Variants in GRIN2B observed in about 807,000 individuals in gnomAD.
The protein encoded by GRIN2B is glutamate receptor ionotropic, NMDA 2B.
A neutral mutation model predicts 114.5 loss-of-function variants in GRIN2B; 5 were observed. The observed-to-expected ratio is 0.04, with a 90% CI of 0.02 to 0.09. The LOEUF (loss-of-function observed/expected upper bound fraction) is 0.09. GRIN2B is among the 10% of genes least tolerant of loss of function. The pLI is 1.00. For missense variants in GRIN2B, 1,108 were observed against 1,943.5 expected (o/e 0.57, Z 8.08); for synonymous variants, 787 against 745.1 (o/e 1.06, Z -0.92).
intron 4 of GRIN2B, among the ~76,000 whole-genome samples, chr12:13,702,240 TA>T (rs980975901): frequency 1.3e-5 from 2 of 152,194 alleles, no homozygotes; most frequent in Non-Finnish European, 2.9e-5. Context: ...AAAATATTCA[TA>T]AGTTTACTGA....
At chr12:13,701,262 G>A (rs1232096258) in intron 4 of GRIN2B, among the ~76,000 whole-genome samples, 1 of 152,108 alleles carries the variant, frequency 6.6e-6, no homozygotes, top group Admixed American at 6.6e-5. Flanking sequence ...TGAGATTTGG[G>A]TGGGGACACA....
At chr12:13,755,636 A>G (rs936552261) in intron 3 of GRIN2B, among the ~76,000 whole-genome samples, 2 of 152,224 alleles carry the variant, frequency 1.3e-5, no homozygotes, top group African/African-American at 4.8e-5. Context: ...ATGTGTATCT[A>G]TTCCAAACCC....
At chr12:13,705,023 T>C (rs1343249109) in intron 4 of GRIN2B, among the ~76,000 whole-genome samples, 1 of 152,084 alleles carries the variant, frequency 6.6e-6, no homozygotes, top group Non-Finnish European at 1.5e-5. Context: ...CCAGGTACCT[T>C]TGTGTCATCA....
chr12:13,836,577 G>A (rs1467340916), intron 3 of GRIN2B, among the ~76,000 whole-genome samples: 1 of 152,168 alleles, frequency 6.6e-6, no homozygotes. Flanking sequence ...CTCAAATTAT[G>A]CACTTAATGT....
In GRIN2B at chr12:13,981,435, G is replaced by T. The variant is rs1279112488; in HGVS notation, c.-541C>A. The T allele has an allele frequency of 1.3e-5, 2 of 152,240 alleles. No individual in the cohort carries two copies. Among genetic ancestry groups the T allele is most frequent in the African/African-American group, 4.8e-5 (2 of 41,548 alleles). The allele number at this position is 152,240 out of a possible 1,614,324, so 9.4% of individuals were successfully genotyped here. A position where few individuals can be genotyped will look rare whatever the true frequency, so the allele number is the denominator to read the frequency against. On this transcript the variant is annotated 5_prime_UTR_variant, in exon 1 of 14. Coordinates refer to ENST00000609686, the MANE Select transcript of GRIN2B (RefSeq NM_000834.5). ...TCCTTTCCTGCAAAGCAGGATTAATGATCCGTCTCGGGGGTTTTGAAGTTC... is the reference window on the plus strand; with the variant it reads ...TCCTTTCCTGCAAAGCAGGATTAATTATCCGTCTCGGGGGTTTTGAAGTTC...
chr12:13,784,395 T>C (rs1168290771), intron 3 of GRIN2B, among the ~76,000 whole-genome samples: 2 of 152,034 alleles, frequency 1.3e-5, no homozygotes, highest in Non-Finnish European at 2.9e-5. Flanking sequence ...GTGGGCACAA[T>C]AGCTCAATTT....
chr12:13,566,146 G>T (rs1286622109), intron 13 of GRIN2B, among the ~76,000 whole-genome samples: 1 of 152,154 alleles, frequency 6.6e-6, no homozygotes, highest in East Asian at 1.9e-4. Flanking sequence ...AGGACACGGA[G>T]AAATTGTTCT....
rs568668978 is a variant in GRIN2B at position 13,544,597 on chromosome 12, A to G, written c.*18186T>C. 1.3e-5 allele frequency: 2 copies of G among 152,320 alleles called. No homozygotes were observed. The highest frequency in any genetic ancestry group is 3.9e-4 in the East Asian group (2 of 5,182). The allele number at this position is 152,320 out of a possible 1,614,324, so 9.4% of individuals were successfully genotyped here. A position where few individuals can be genotyped will look rare whatever the true frequency, so the allele number is the denominator to read the frequency against. On this transcript the variant is annotated 3_prime_UTR_variant, in exon 14 of 14. Transcript: ENST00000609686. ...AACTATAAGGCTTTCCTTCCCAGTC[A>G]GCCTCACCTGCAGGATTCCTGTCTT...
At chr12:13,802,630 A>G (rs1360101928) in intron 3 of GRIN2B, among the ~76,000 whole-genome samples, 3 of 152,192 alleles carry the variant, frequency 2.0e-5, no homozygotes, top group Non-Finnish European at 4.4e-5. Context: ...TTATGTAGAA[A>G]GATGTTTCTT....
At chr12:13,692,850 C>T (rs143999426) in intron 4 of GRIN2B, among the ~76,000 whole-genome samples, 7 of 137,252 alleles carry the variant, frequency 5.1e-5, no homozygotes, top group Non-Finnish European at 9.2e-5. Flanking sequence ...CTCACTGCAA[C>T]GTCCACCTCC....
At chr12:13,759,279 G>A (rs536303999) in intron 3 of GRIN2B, among the ~76,000 whole-genome samples, 3 of 152,076 alleles carry the variant, frequency 2.0e-5, no homozygotes, top group Non-Finnish European at 4.4e-5. Context: ...AAAGTGCTGC[G>A]ATTACAGGCA....
chr12:13,772,405 G>T (rs1863922887), intron 3 of GRIN2B, among the ~76,000 whole-genome samples: 1 of 152,158 alleles, frequency 6.6e-6, no homozygotes, highest in Non-Finnish European at 1.5e-5. Flanking sequence ...AGACTGGTTT[G>T]CTCTGAGCAT....
At chr12:13,709,797 T>C (rs1950397290) in intron 4 of GRIN2B, among the ~76,000 whole-genome samples, 1 of 152,046 alleles carries the variant, frequency 6.6e-6, no homozygotes, top group Admixed American at 6.6e-5. Flanking sequence ...ACATTCCCAC[T>C]GTTGACAAAC....
intron 4 of GRIN2B, among the ~76,000 whole-genome samples, chr12:13,734,751 A>T (rs1198819863): frequency 6.6e-6 from 1 of 152,200 alleles, no homozygotes; most frequent in East Asian, 1.9e-4. Flanking sequence ...ATGGGAGCAC[A>T]AAGAGAGGAA....
chr12:13,751,219 G>T (rs1178260072), intron 4 of GRIN2B, among the ~76,000 whole-genome samples: 1 of 152,192 alleles, frequency 6.6e-6, no homozygotes, highest in African/African-American at 2.4e-5. Context: ...GGAAAGACAG[G>T]CAGGGCCCAT....
chr12:13,813,331 T>C (rs368009125), intron 3 of GRIN2B, among the ~76,000 whole-genome samples: 9 of 152,088 alleles, frequency 5.9e-5, no homozygotes, highest in African/African-American at 2.2e-4. Flanking sequence ...ATCAGAATTA[T>C]GATATAAGGG....
intron 3 of GRIN2B, among the ~76,000 whole-genome samples, chr12:13,798,596 G>A (rs1052524297): frequency 3.9e-5 from 6 of 152,038 alleles, no homozygotes; most frequent in Non-Finnish European, 7.4e-5. Context: ...TTTATTATTT[G>A]TTCAGGTTCC....
At chr12:13,856,413 A>G (rs1865661861) in intron 3 of GRIN2B, among the ~76,000 whole-genome samples, 2 of 152,148 alleles carry the variant, frequency 1.3e-5, no homozygotes, top group Non-Finnish European at 2.9e-5. Flanking sequence ...ATCATAGGTA[A>G]GCTTCCATGT....
chr12:13,915,404 G>C (rs747022259), intron 2 of GRIN2B, among the ~76,000 whole-genome samples: 11 of 152,128 alleles, frequency 7.2e-5, no homozygotes, highest in Non-Finnish European at 1.5e-4. Flanking sequence ...GCCACAGGCA[G>C]GCCAAAACCA....
Sources: gnomAD v4.1 joint callset for allele counts (sites outside exome capture counted in the v4.1 genomes callset) on GRCh38, gnomAD v4.1.1 for gene constraint, MANE v1.5 for transcripts, NCBI Gene and HGNC (gene_info 2026-07-23, HGNC 2026-07-21) for gene names.